CELSR3: variants seen among roughly 807,000 people sequenced by gnomAD.
CELSR3 encodes the protein cadherin EGF LAG seven-pass G-type receptor 3.
A neutral mutation model predicts 270.0 loss-of-function variants in CELSR3; 73 were observed. The observed-to-expected ratio is 0.27, with a 90% CI of 0.22 to 0.33. The LOEUF (loss-of-function observed/expected upper bound fraction) is 0.33. CELSR3 is among the 10% of genes least tolerant of loss of function. CELSR3 has a pLI of 1.00. For synonymous variants in CELSR3, 1,780 were observed against 1,905.4 expected, an observed-to-expected ratio of 0.93 and a Z score of 1.71; for missense variants, 3,614 against 4,533.8, an observed-to-expected ratio of 0.80 and a Z score of 5.83.
chr3:48,651,615 G>A lies in CELSR3; in HGVS notation c.6027C>T (p.Asp2009=), dbSNP rs138326407. ...LPGAPHGYTC[D]CVGGYFGHHC... is the part of the protein sequence containing the mutation. ...GGTGCCCGAAATAGCCACCCACACA[G>A]TCACAGGTATAGCCATGGGGGGCTC... Residue 2009 remains aspartate (D), a synonymous_variant, in exon 13 of 35, where the codon GAC becomes GAT. Coordinates refer to ENST00000164024, the MANE Select transcript of CELSR3 (RefSeq NM_001407.3). This position sits in a 1 kb window ranked among gnomAD's most constrained non-coding sequence, Gnocchi z 7.4. The A allele has an allele frequency of 6.5e-4, 1,037 of 1,588,644 alleles. 12 individuals are homozygous for A. Among genetic ancestry groups the A allele is most frequent in the Admixed American group, 6.1e-4 (35 of 57,372 alleles).
Position 48,654,585 on chromosome 3 carries a change from G to C in CELSR3, c.4989-133C>G. ...GGGAGGAAAATAAGGCCGAGCTGTG[G>C]AAGGAGTTAGGATCTTACTTCAGTT... On this transcript the variant is annotated intron_variant, in intron 6 of 34. Coordinates refer to ENST00000164024, the MANE Select transcript of CELSR3 (RefSeq NM_001407.3). This position sits in a 1 kb window ranked among gnomAD's most constrained non-coding sequence, Gnocchi z 5.4. 1.3e-6 allele frequency: 1 copy of C among 756,872 alleles called. No individual in the cohort carries two copies. The highest frequency in any genetic ancestry group is 2.7e-5 in the East Asian group (1 of 36,394). The allele number at this position is 756,872 out of a possible 1,614,324, so 46.9% of individuals were successfully genotyped here.
In CELSR3 at chr3:48,644,265, G is replaced by A. The variant is rs373490754; in HGVS notation, c.8116C>T (p.Arg2706Cys). 252 of 1,613,218 alleles carry A rather than the reference G, an allele frequency of 1.6e-4. No homozygotes were observed. In the South Asian group the frequency reaches 2.1e-3, roughly 13 times the overall value. ...MNGTMFLLAA[R>C]TSCSTGQREA... ...CTCTGCCCTGTGGAGCAGGATGTGC[G>A]GGCAGCGAGGAGAAACATGGTCCCG... The change falls in exon 27 of 35, where the codon CGC becomes TGC. Residue 2706 changes from arginine (R) to cysteine (C), a missense_variant. Arg to Cys is a radical substitution (Grantham distance 180). Coordinates refer to ENST00000164024, the MANE Select transcript of CELSR3 (RefSeq NM_001407.3). The surrounding 1 kb of genome is among the most constrained non-coding windows in gnomAD (Gnocchi z 4.8).
In CELSR3 at chr3:48,642,764, C is replaced by G. The variant is rs1258492418; in HGVS notation, c.8527G>C (p.Asp2843His). The G allele has an allele frequency of 4.3e-6, 7 of 1,612,146 alleles. No homozygotes were observed. In the African/African-American group the frequency reaches 6.7e-5, roughly 15 times the overall value. Residue 2843 changes from aspartate (D) to histidine (H), a missense_variant, in exon 30 of 35, where the codon GAC becomes CAC. This residue lies in a region of CELSR3 where 1,240 missense variants were observed against 1,351.7 expected (regional missense o/e 0.92). Transcript: ENST00000164024. This position sits in a 1 kb window ranked among gnomAD's most constrained non-coding sequence, Gnocchi z 6.1. ...SARSGRTQDQ[D>H]SQRGRSYLRD... ...AGGTAGCTGCGGCCCCGCTGGCTGT[C>G]CTGGTCCTGGGTCCGGCCGGAGCGG...
Position 48,657,115 on chromosome 3 carries a change from C to T in CELSR3, c.3982G>A (p.Val1328Met), listed in dbSNP as rs1488287145. The T allele has an allele frequency of 4.3e-6, 7 of 1,613,984 alleles. No individual in the cohort carries two copies. Among genetic ancestry groups the T allele is most frequent in the Middle Eastern group, 1.6e-4 (1 of 6,062 alleles). ...CGTGGAGCTAGCGCCGAGAAACTCA[C>T]ATTGAGCACGGTGCCCCCTACGTCT... The part of the protein sequence containing the change: ...DTDVGGTVLN[V>M]SFSALAPRGA... The change falls in exon 2 of 35, where the codon GTG becomes ATG. Residue 1328 changes from valine (V) to methionine (M), a missense_variant. This residue lies in a region of CELSR3 where 1,331 missense variants were observed against 1,933.7 expected (regional missense o/e 0.69). Coordinates refer to ENST00000164024, the MANE Select transcript of CELSR3 (RefSeq NM_001407.3). The surrounding 1 kb of genome is among the most constrained non-coding windows in gnomAD (Gnocchi z 5.4).
In CELSR3 at chr3:48,644,713, C is replaced by T. The variant is rs2047063357; in HGVS notation, c.8085+3G>A. The T allele has an allele frequency of 6.2e-7, 1 of 1,609,734 alleles. No individual in the cohort carries two copies. The highest frequency in any genetic ancestry group is 8.5e-7 in the Non-Finnish European group (1 of 1,176,628). On this transcript the variant is annotated splice_donor_region_variant and intron_variant, in intron 26 of 34. Coordinates refer to ENST00000164024, the MANE Select transcript of CELSR3 (RefSeq NM_001407.3). This position sits in a 1 kb window ranked among gnomAD's most constrained non-coding sequence, Gnocchi z 4.8. ...GAGGGGGCACCAAGTCCAGGGCACT[C>T]ACCACTATGACCAGGACAACAGGGC...
rs376704073 is a variant in CELSR3, at chr3:48,657,033, T to A, written c.4064A>T (p.Gln1355Leu). ...CAGCGCCGCCCGGCGCACGTACAAC[T>A]GCTCCTGCAGCTCCTCGGAGCTGAA... Reference protein sequence around the residue: ...PWFSSEELQEQLYVRRAALAA... With the variant: ...PWFSSEELQELLYVRRAALAA... The change falls in exon 2 of 35, where the codon CAG (glutamine) becomes CTG (leucine). Residue 1355 changes from glutamine (Q) to leucine (L), a missense_variant. Gln to Leu is a moderately radical substitution (Grantham distance 113). Around this residue, in one of 7 missense-constraint regions of CELSR3, gnomAD observed 1,331 missense variants for 1,933.7 expected, o/e 0.69. Transcript: ENST00000164024. This position sits in a 1 kb window ranked among gnomAD's most constrained non-coding sequence, Gnocchi z 5.4. 1 of 1,613,614 alleles carries A rather than the reference T, an allele frequency of 6.2e-7. No individual in the cohort carries two copies.
intron 34 of CELSR3, 85 bp from the exon 35 acceptor site, chr3:48,638,317 G>C: frequency 1.0e-6 from 1 of 1,000,002 alleles, no homozygotes; most frequent in Admixed American, 1.7e-5. Flanking sequence ...CATTTGGCCT[G>C]GCTGCTTCCC....
In CELSR3 at chr3:48,661,475, G is replaced by A; in HGVS notation, c.1160C>T (p.Thr387Met). Residue 387 changes from threonine to methionine, a missense_variant, in exon 1 of 35, where the codon ACG becomes ATG. Physicochemically the swap from Thr to Met is moderately conservative, Grantham distance 81. This residue lies in a region of CELSR3 where 354 missense variants were observed against 500.9 expected (regional missense o/e 0.71). Coordinates refer to ENST00000164024, the MANE Select transcript of CELSR3 (RefSeq NM_001407.3). ...SIDPQSGLIR[T>M]AAALDRESME... ...GCTCTCGCGGTCCAGAGCTGCCGCC[G>A]TACGGATAAGGCCGCTCTGCGGGTC... 1 of 1,606,742 alleles carries A rather than the reference G, an allele frequency of 6.2e-7. No homozygotes were observed. The highest frequency in any genetic ancestry group is 8.5e-7 in the Non-Finnish European group (1 of 1,176,896).
chr3:48,641,725 G>A lies in CELSR3; in HGVS notation c.8824+126C>T, dbSNP rs1012278601. 7 of 1,055,480 alleles carry A rather than the reference G, an allele frequency of 6.6e-6. No homozygotes were observed. Among genetic ancestry groups the A allele is most frequent in the East Asian group, 5.3e-5 (2 of 37,610 alleles). The allele number at this position is 1,055,480 out of a possible 1,614,324, so 65.4% of individuals were successfully genotyped here. A position where few individuals can be genotyped will look rare whatever the true frequency, so the allele number is the denominator to read the frequency against. ...GGAGGTGGACAGAGACTAAAAGTTG[G>A]GGAACCTGATGACTGAGGGGTCAGA... On this transcript the variant is annotated intron_variant, in intron 32 of 34. Coordinates refer to ENST00000164024, the MANE Select transcript of CELSR3 (RefSeq NM_001407.3). The surrounding 1 kb of genome is among the most constrained non-coding windows in gnomAD (Gnocchi z 4.8).
In CELSR3 at chr3:48,638,868, G is replaced by A. The variant is rs141939386; in HGVS notation, c.9912-636C>T. ...GCCCTGGGTCCTGCTCAGTTCTGTC[G>A]ATCCCCTGCCCCACCCCTAGGGCCC... is the stretch of plus-strand genomic sequence containing the variant. On this transcript the variant is annotated intron_variant, in intron 34 of 34. Transcript: ENST00000164024. Among the ~76,000 whole-genome samples, 713 of 151,202 alleles carry A rather than the reference G, an allele frequency of 4.7e-3. 6 individuals carry two copies. Among genetic ancestry groups the A allele is most frequent in the African/African-American group, 0.017 (678 of 41,070 alleles).
chr3:48,644,583 G>A lies in CELSR3; in HGVS notation c.8085+133C>T. On this transcript the variant is annotated intron_variant, in intron 26 of 34. Transcript: ENST00000164024. This position sits in a 1 kb window ranked among gnomAD's most constrained non-coding sequence, Gnocchi z 4.8. ...TGAATGGGGGTGGCTACTGACCAGA[G>A]GACAGAAAAAATGAAGGCCGAGCCC... 1 of 734,358 alleles carries A rather than the reference G, an allele frequency of 1.4e-6. No homozygotes were observed. Among genetic ancestry groups the A allele is most frequent in the Non-Finnish European group, 2.3e-6 (1 of 434,052 alleles). 45.5% of individuals were successfully genotyped at this position (734,358 alleles called of 1,614,324 possible).
chr3:48,662,568 G>A lies in CELSR3; in HGVS notation c.67C>T (p.Leu23Phe). The change falls in exon 1 of 35, where the codon CTC (leucine) becomes TTC (phenylalanine). Residue 23 changes from leucine to phenylalanine, a missense_variant. Physicochemically the swap from Leu to Phe is conservative, Grantham distance 22. Transcript: ENST00000164024. The surrounding 1 kb of genome is among the most constrained non-coding windows in gnomAD (Gnocchi z 7.1). Reference protein sequence around the residue: ...GRSTPILLLLLLSLFPLSQEE... With the variant: ...GRSTPILLLLFLSLFPLSQEE... ...TGGCTGAGGGGGAACAAAGAGAGGA[G>A]AAGGAGCAGGAGTATGGGGGTCGAC... The A allele has an allele frequency of 6.4e-7, 1 of 1,569,476 alleles. No homozygotes were observed. The highest frequency in any genetic ancestry group is 8.6e-7 in the Non-Finnish European group (1 of 1,157,750).
At chr3:48,638,283 A>G (rs2046991040) in intron 34 of CELSR3, 51 bp from the exon 35 acceptor site, 1 of 1,474,624 alleles carries the variant, frequency 6.8e-7, no homozygotes, top group African/African-American at 1.4e-5. Flanking sequence ...ACTCCGAGTC[A>G]GGCGGCTCTG....
rs112026509 is a variant in CELSR3, at chr3:48,644,764, G to A, written c.8037C>T (p.His2679=). 3.3e-5 allele frequency: 54 copies of A among 1,613,534 alleles called. No individual in the cohort carries two copies. The highest frequency in any genetic ancestry group is 2.9e-4 in the African/African-American group (22 of 75,048). ...GNPDFCWISV[H]EPLIWSFAGP... is the part of the protein sequence containing the mutation. The stretch of plus-strand genomic sequence containing the variant: ...CAGCAAAGCTCCAGATGAGGGGCTC[G>A]TGGACTGAGATCCAGCAGAAGTCAG... Residue 2679 remains histidine, a synonymous_variant, in exon 26 of 35, where the codon CAC becomes CAT. Transcript: ENST00000164024. The surrounding 1 kb of genome is among the most constrained non-coding windows in gnomAD (Gnocchi z 4.8).
At chr3:48,647,786 GGTT>G in intron 20 of CELSR3, 52 bp downstream of exon 20, 1 of 1,567,296 alleles carries the variant, frequency 6.4e-7, no homozygotes, top group Non-Finnish European at 8.7e-7. Context: ...CATAGTATCT[GGTT>G]GGGGGGACAG....
rs756727059 is a variant in CELSR3 at position 48,650,935 on chromosome 3, G to A, written c.6327C>T (p.Ser2109=). 1 of 1,611,610 alleles carries A rather than the reference G, an allele frequency of 6.2e-7. No homozygotes were observed. Among genetic ancestry groups the A allele is most frequent in the Non-Finnish European group, 8.5e-7 (1 of 1,179,850 alleles). Residue 2109 remains serine, a synonymous_variant, in exon 15 of 35, where the codon AGC becomes AGT. Coordinates refer to ENST00000164024, the MANE Select transcript of CELSR3 (RefSeq NM_001407.3). The surrounding 1 kb of genome is among the most constrained non-coding windows in gnomAD (Gnocchi z 5.1). ...TCACCTCTGCGAAGGGACTGTCACAGCTGTTGCACTGGCGGCCAAGGGCTC... is the reference window on the plus strand; with the variant it reads ...TCACCTCTGCGAAGGGACTGTCACAACTGTTGCACTGGCGGCCAAGGGCTC... ...RPGALGRQCN[S]CDSPFAEVTA... is the part of the protein sequence containing the mutation.
rs778763780 is a variant in CELSR3, at chr3:48,661,745, C to T, written c.890G>A (p.Gly297Glu). 141 of 1,583,870 alleles carry T rather than the reference C, an allele frequency of 8.9e-5. No homozygotes were observed. Among genetic ancestry groups the T allele is most frequent in the Non-Finnish European group, 1.2e-4 (139 of 1,166,994 alleles). The change falls in exon 1 of 35, where the codon GGA (glycine) becomes GAA (glutamate). Residue 297 changes from glycine (G) to glutamate (E), a missense_variant. By Grantham distance (98) the Gly-to-Glu change is moderately conservative (BLOSUM62 -2). Coordinates refer to ENST00000164024, the MANE Select transcript of CELSR3 (RefSeq NM_001407.3). ...CCTGGCTTCAGGACGGGCCGGGAGT[C>T]CCGGGGGACGCGGCCCGGGGCGCTG... ...LPQRPGPRPP[G>E]LPARPEARKV...
chr3:48,641,074 AT>A lies in CELSR3; in HGVS notation c.9025+249del. On this transcript the variant is annotated intron_variant, in intron 33 of 34. Coordinates refer to ENST00000164024, the MANE Select transcript of CELSR3 (RefSeq NM_001407.3). The surrounding 1 kb of genome is among the most constrained non-coding windows in gnomAD (Gnocchi z 4.8). Reference sequence around the variant, plus strand: ...AGCTCCTAGGGTCTCTGAAAAACAGATGGGCTGGGGCAGGAGTGGTCGCCTG... The same window carrying A: ...AGCTCCTAGGGTCTCTGAAAAACAGAGGGCTGGGGCAGGAGTGGTCGCCTG... 1.9e-6 allele frequency: 1 copy of A among 517,390 alleles called. No homozygotes were observed. Among genetic ancestry groups the A allele is most frequent in the Admixed American group, 3.6e-5 (1 of 27,912 alleles). The allele number at this position is 517,390 out of a possible 1,614,324, so 32.0% of individuals were successfully genotyped here. A position where few individuals can be genotyped will look rare whatever the true frequency, so the allele number is the denominator to read the frequency against.
Position 48,642,298 on chromosome 3 carries a change from A to C in CELSR3, c.8665+60T>G. On this transcript the variant is annotated intron_variant, in intron 31 of 34. Coordinates refer to ENST00000164024, the MANE Select transcript of CELSR3 (RefSeq NM_001407.3). This position sits in a 1 kb window ranked among gnomAD's most constrained non-coding sequence, Gnocchi z 6.1. ...CACTGCTCCCAGTATGGGGTAGAAG[A>C]AAAGGGGATGGGGAGAGATCCTCTG... is the stretch of plus-strand genomic sequence containing the variant. The C allele has an allele frequency of 6.5e-7, 1 of 1,548,850 alleles. No homozygotes were observed. The highest frequency in any genetic ancestry group is 8.8e-7 in the Non-Finnish European group (1 of 1,139,160).
Sources: allele counts gnomAD v4.1 joint callset (sites outside exome capture counted in the v4.1 genomes callset), GRCh38; gene constraint gnomAD v4.1.1; regional missense constraint gnomAD v4.1.1; non-coding constraint Gnocchi (gnomAD v3.1); transcripts MANE v1.5; gene names NCBI Gene and HGNC (gene_info 2026-07-23, HGNC 2026-07-21).